Variants in SPATA9 observed in about 807,000 individuals in gnomAD.
SPATA9 encodes spermatogenesis associated 9, also known as spermatogenesis-associated protein 9.
A neutral mutation model predicts 25.5 loss-of-function variants in SPATA9; 27 were observed. That is an observed-to-expected ratio of 1.06 (90% CI 0.78 to 1.46). The LOEUF is 1.46. Among genes scored for constraint, SPATA9 ranks in the 40% most tolerant of loss-of-function variants. The pLI, the probability that SPATA9 is intolerant of heterozygous loss-of-function variation, is 0.00. For synonymous variants in SPATA9, 102 were observed against 105.7 expected (o/e 0.97, Z 0.21); for missense variants, 282 against 297.5 (o/e 0.95, Z 0.38).
At chr5:95,704,902 T>G in the SPATA9 span, among the ~76,000 whole-genome samples, 1 of 151,826 alleles carries the variant, frequency 6.6e-6, no homozygotes, top group African/African-American at 2.4e-5. Flanking sequence ...CCTTCAAACT[T>G]GAGCCCTTTT....
intron 1 of SPATA9, among the ~76,000 whole-genome samples, chr5:95,698,166 T>C (rs1754084066): frequency 6.6e-6 from 1 of 152,132 alleles, no homozygotes; most frequent in South Asian, 2.1e-4. Context: ...TGGGAAGGAA[T>C]AAATAAGGCA....
upstream of SPATA9, among the ~76,000 whole-genome samples, chr5:95,683,491 AC>A (rs1442314014): frequency 6.6e-6 from 1 of 152,144 alleles, no homozygotes; most frequent in African/African-American, 2.4e-5. Flanking sequence ...AGAACTTGAT[AC>A]CATGCAGACT....
chr5:95,709,674 G>A, the SPATA9 span, among the ~76,000 whole-genome samples: 3 of 152,204 alleles, frequency 2.0e-5, no homozygotes, highest in Admixed American at 6.5e-5. Context: ...TGGCAGTTTC[G>A]TTTTTGGTAG....
At chr5:95,691,235 T>C (rs1253544824) in intron 1 of SPATA9, among the ~76,000 whole-genome samples, 1 of 148,618 alleles carries the variant, frequency 6.7e-6, no homozygotes, top group African/African-American at 2.5e-5. Flanking sequence ...AAAAAATTCA[T>C]TTATTATTTC....
intron 1 of SPATA9, among the ~76,000 whole-genome samples, chr5:95,689,195 C>T (rs1183176416): frequency 6.6e-6 from 1 of 152,162 alleles, no homozygotes; most frequent in Non-Finnish European, 1.5e-5. Flanking sequence ...ACAATAAGAA[C>T]ATTTCCCTTT....
chr5:95,680,188 G>T (rs995234316), intron 2 of SPATA9, among the ~76,000 whole-genome samples: 13 of 152,178 alleles, frequency 8.5e-5, no homozygotes, highest in Non-Finnish European at 1.9e-4. Context: ...CTGAGCCACC[G>T]CGCCTGGCCC....
At chr5:95,656,338 G>A, downstream of SPATA9, 1 of 1,540,264 alleles carries the variant, frequency 6.5e-7, no homozygotes, top group Non-Finnish European at 8.8e-7. Context: ...GAAAAATGTT[G>A]TGTATGCTTG....
At chr5:95,682,713 C>G (rs1296670214) in intron 1 of SPATA9, 81 bp downstream of exon 1, 1 of 1,505,280 alleles carries the variant, frequency 6.6e-7, no homozygotes, top group South Asian at 1.2e-5. Flanking sequence ...CTAGATGACT[C>G]GGAAAGTAAA....
chr5:95,683,152 G>A (rs1753599577), upstream of SPATA9: 1 of 472,898 alleles, frequency 2.1e-6, no homozygotes, highest in African/African-American at 2.0e-5. Context: ...TATGATATAA[G>A]TTGAAATTTG....
At position 95,664,169 on chromosome 5, in the gene SPATA9, A is replaced by AGCTATCTG. The variant is rs1561397179; in HGVS notation, c.379-129_379-122dup. ...TTCTAAAGAAAGTCATCTACTTTAG[A>AGCTATCTG]GCTATCTGGGCTTTTTCACATTGTG... On this transcript the variant is annotated intron_variant, in intron 3 of 4. Transcript: ENST00000274432. 4 of 486,282 alleles carry AGCTATCTG rather than the reference A, an allele frequency of 8.2e-6. No individual in the cohort carries two copies. In the Admixed American group the frequency reaches 1.7e-4, roughly 20 times the overall value. 30.1% of individuals were successfully genotyped at this position (486,282 alleles called of 1,614,324 possible). A position where few individuals can be genotyped will look rare whatever the true frequency, so the allele number is the denominator to read the frequency against.
chr5:95,732,076 C>A, the SPATA9 span: 1 of 1,614,044 alleles, frequency 6.2e-7, no homozygotes, highest in Non-Finnish European at 8.5e-7. Context: ...CCACGACTGT[C>A]CCGTCTGGGT....
the SPATA9 span, chr5:95,719,906 C>G: frequency 2.0e-5 from 3 of 152,132 alleles, no homozygotes; most frequent in African/African-American, 7.2e-5. Context: ...TTTATAGACA[C>G]AAAACATCCT....
chr5:95,723,754 T>C, the SPATA9 span, among the ~76,000 whole-genome samples: 1 of 152,180 alleles, frequency 6.6e-6, no homozygotes, highest in African/African-American at 2.4e-5. Flanking sequence ...CTTACCACAG[T>C]AGCCAGCCCC....
the SPATA9 span, among the ~76,000 whole-genome samples, chr5:95,706,797 CAAT>C: frequency 6.6e-6 from 1 of 151,818 alleles, no homozygotes; most frequent in Non-Finnish European, 1.5e-5. Flanking sequence ...AATCCTTCAA[CAAT>C]ATTTATTGTT....
At chr5:95,660,764 C>G (rs1000016142) in intron 4 of SPATA9, among the ~76,000 whole-genome samples, 2 of 152,206 alleles carry the variant, frequency 1.3e-5, no homozygotes, top group African/African-American at 4.8e-5. Flanking sequence ...CGGTCTTGAT[C>G]AAGGTCAGTA....
At chr5:95,688,864 T>C (rs895768776) in intron 1 of SPATA9, among the ~76,000 whole-genome samples, 2 of 152,082 alleles carry the variant, frequency 1.3e-5, no homozygotes, top group African/African-American at 4.8e-5. Flanking sequence ...TCCCTAAATA[T>C]ATAAAAATAA....
chr5:95,658,150 T>C (rs1267016653), downstream of SPATA9: 1 of 152,406 alleles, frequency 6.6e-6, no homozygotes, highest in African/African-American at 2.4e-5. Context: ...CATCTGTGAA[T>C]TGCAAATCCT....
chr5:95,670,977 C>G (rs1353431070), intron 3 of SPATA9: 1 of 845,536 alleles, frequency 1.2e-6, no homozygotes, highest in African/African-American at 1.8e-5. Flanking sequence ...ATACTCCCCA[C>G]GTAAAGCTTC....
downstream of SPATA9, among the ~76,000 whole-genome samples, chr5:95,655,151 ATG>A (rs1389287854): frequency 1.3e-5 from 2 of 152,172 alleles, no homozygotes; most frequent in African/African-American, 2.4e-5. Flanking sequence ...TAAAGAACGT[ATG>A]TGTGTTTATT....
Sources: gnomAD v4.1 joint callset for allele counts (sites outside exome capture counted in the v4.1 genomes callset) on GRCh38, gnomAD v4.1.1 for gene constraint, MANE v1.5 for transcripts, NCBI Gene and HGNC (gene_info 2026-07-23, HGNC 2026-07-21) for gene names.